Variants in EYS observed in about 807,000 individuals in gnomAD.
The protein encoded by EYS is protein eyes shut homolog.
A neutral mutation model predicts 282.1 loss-of-function variants in EYS; 250 were observed. That is an observed-to-expected ratio of 0.89 (90% CI 0.80 to 0.98). The LOEUF (loss-of-function observed/expected upper bound fraction) is 0.98, where lower values mean the gene tolerates loss of function less well. Among genes scored for constraint, EYS ranks in the 50% least tolerant of loss-of-function variants. EYS has a pLI of 0.00. For missense variants in EYS, 4,016 were observed against 3,709.0 expected (o/e 1.08, Z -2.15); for synonymous variants, 1,355 against 1,282.9 (o/e 1.06, Z -1.20).
rs1464534296 is a variant in EYS, at chr6:64,639,659, G to A, written c.3444-13414C>T. Among the ~76,000 whole-genome samples, 4 of 90,404 alleles carry A rather than the reference G, an allele frequency of 4.4e-5. 2 individuals are homozygous for A. The highest frequency in any genetic ancestry group is 8.4e-5 in the African/African-American group (2 of 23,684). 59.3% of individuals were successfully genotyped at this position (90,404 alleles called of 152,430 possible). A position where few individuals can be genotyped will look rare whatever the true frequency, so the allele number is the denominator to read the frequency against. ...CCATTCAGGACATAGGCATGGGCAAGGACTTCATGTCTAAAACACCAAAAG... is the reference window on the plus strand; with the variant it reads ...CCATTCAGGACATAGGCATGGGCAAAGACTTCATGTCTAAAACACCAAAAG... On this transcript the variant is annotated intron_variant, in intron 22 of 42. Coordinates refer to ENST00000503581, the MANE Select transcript of EYS (RefSeq NM_001142800.2).
chr6:63,931,370 C>T lies in EYS; in HGVS notation c.7055+53013G>A, dbSNP rs758572001. ...TACCTATAGCTTCTTCCTCAAGGTC[C>T]TTCCCTTTGTTTCTAACATTGTGCT... On this transcript the variant is annotated intron_variant, in intron 35 of 42. Coordinates refer to ENST00000503581, the MANE Select transcript of EYS (RefSeq NM_001142800.2). Among the ~76,000 whole-genome samples the T allele has an allele frequency of 2.6e-5, 4 of 152,160 alleles. No homozygotes were observed. The South Asian group carries it at 6.2e-4, about 24-fold the overall frequency.
intron 26 of EYS, among the ~76,000 whole-genome samples, chr6:64,479,568 TC>T (rs1472836023): frequency 6.6e-6 from 1 of 151,966 alleles, no homozygotes; most frequent in African/African-American, 2.4e-5. Context: ...TTGTTTTAAA[TC>T]CTTTTTTCTC....
At chr6:64,012,748 G>T (rs1768699010) in intron 33 of EYS, among the ~76,000 whole-genome samples, 2 of 152,116 alleles carry the variant, frequency 1.3e-5, no homozygotes, top group Admixed American at 6.6e-5. Context: ...GACATTGTCT[G>T]TGCAACTCAG....
At chr6:63,838,650 G>A (rs1771870884) in intron 36 of EYS, among the ~76,000 whole-genome samples, 2 of 152,110 alleles carry the variant, frequency 1.3e-5, no homozygotes, top group Admixed American at 1.3e-4. Flanking sequence ...AGGTGAGAGA[G>A]GAAGGCCAGT....
At chr6:64,629,400 A>C (rs1185848652) in intron 22 of EYS, among the ~76,000 whole-genome samples, 1 of 152,094 alleles carries the variant, frequency 6.6e-6, no homozygotes, top group Non-Finnish European at 1.5e-5. Flanking sequence ...TTCTTTATAT[A>C]TATTTTTAAA....
intron 22 of EYS, among the ~76,000 whole-genome samples, chr6:64,635,207 CT>C (rs1767931609): frequency 6.6e-6 from 1 of 152,148 alleles, no homozygotes; most frequent in Non-Finnish European, 1.5e-5. Context: ...TGCCTATCAG[CT>C]TGAGGAGATT....
chr6:64,752,616 G>A (rs939477733), intron 22 of EYS, among the ~76,000 whole-genome samples: 2 of 152,080 alleles, frequency 1.3e-5, no homozygotes, highest in African/African-American at 4.8e-5. Context: ...CCTTAGTCTT[G>A]CTAAAGATTT....
intron 26 of EYS, among the ~76,000 whole-genome samples, chr6:64,460,974 G>T (rs1055661683): frequency 2.0e-5 from 3 of 152,062 alleles, no homozygotes; most frequent in Non-Finnish European, 2.9e-5. Context: ...TACAGACAAA[G>T]ACTATGCAAA....
chr6:65,537,133 T>C (rs1178350775), intron 2 of EYS, among the ~76,000 whole-genome samples: 1 of 151,948 alleles, frequency 6.6e-6, no homozygotes, highest in African/African-American at 2.4e-5. Context: ...CACTCATAAG[T>C]GGGAGTTGAA....
chr6:64,177,850 T>C (rs193192932), intron 31 of EYS, among the ~76,000 whole-genome samples: 11 of 152,288 alleles, frequency 7.2e-5, no homozygotes, highest in Non-Finnish European at 7.4e-5. Context: ...ATGTTTTATC[T>C]GTCCAGAAGG....
At chr6:65,062,418 C>T (rs1029961419) in intron 12 of EYS, among the ~76,000 whole-genome samples, 4 of 151,830 alleles carry the variant, frequency 2.6e-5, no homozygotes, top group African/African-American at 9.7e-5. Flanking sequence ...TCTAAGTATC[C>T]CCATCCCCAA....
chr6:65,228,479 T>C (rs1766685702), intron 12 of EYS, among the ~76,000 whole-genome samples: 1 of 152,014 alleles, frequency 6.6e-6, no homozygotes, highest in South Asian at 2.1e-4. Flanking sequence ...AGATATATTG[T>C]GGTCATGGAT....
chr6:64,200,985 C>T (rs1765445305), intron 31 of EYS, among the ~76,000 whole-genome samples: 1 of 151,994 alleles, frequency 6.6e-6, no homozygotes, highest in Non-Finnish European at 1.5e-5. Flanking sequence ...CAAACTGATC[C>T]ATCTTCTTAG....
chr6:65,409,302 C>T (rs1484441805), intron 5 of EYS, among the ~76,000 whole-genome samples: 1 of 152,126 alleles, frequency 6.6e-6, no homozygotes, highest in Non-Finnish European at 1.5e-5. Context: ...TATTAAGGCC[C>T]AAGCCTGGGG....
intron 42 of EYS, 134 bp from the exon 43 acceptor site, chr6:63,721,931 AGTT>A: frequency 1.2e-6 from 1 of 801,858 alleles, no homozygotes; most frequent in Non-Finnish European, 1.9e-6. Flanking sequence ...CAATTGTGTT[AGTT>A]TTGTTTCCAC....
At chr6:65,548,464 C>T (rs1378724299) in intron 2 of EYS, among the ~76,000 whole-genome samples, 1 of 152,088 alleles carries the variant, frequency 6.6e-6, no homozygotes, top group Admixed American at 6.5e-5. Flanking sequence ...CTTCTGTAGA[C>T]CCAGCACAGT....
chr6:64,275,508 C>A (rs1046807292), intron 30 of EYS, among the ~76,000 whole-genome samples: 4 of 142,034 alleles, frequency 2.8e-5, no homozygotes, highest in Admixed American at 7.3e-5. Flanking sequence ...GTGGTGTGAT[C>A]CGGGTTCACG....
intron 9 of EYS, among the ~76,000 whole-genome samples, chr6:65,352,177 A>G (rs943533716): frequency 6.6e-6 from 1 of 151,858 alleles, no homozygotes; most frequent in African/African-American, 2.4e-5. Flanking sequence ...TTTTATGAGC[A>G]TGGTGAAATA....
chr6:64,816,102 T>C (rs1435104954), intron 21 of EYS, among the ~76,000 whole-genome samples: 2 of 152,012 alleles, frequency 1.3e-5, no homozygotes, highest in Non-Finnish European at 2.9e-5. Context: ...TTTTGGGTAG[T>C]GGAATACTTT....
Sources: allele counts gnomAD v4.1 joint callset (sites outside exome capture counted in the v4.1 genomes callset), GRCh38; gene constraint gnomAD v4.1.1; transcripts MANE v1.5; gene names NCBI Gene and HGNC (gene_info 2026-07-23, HGNC 2026-07-21).